The following WNT8A variants were observed in gnomAD, a reference collection of about 807,000 sequenced individuals.
The protein encoded by WNT8A is Wnt family member 8A, also known as protein Wnt-8a.
Under a neutral mutation model 20.5 loss-of-function variants are expected in WNT8A, and 14 were observed. The ratio of observed to expected loss-of-function variants is 0.68; its 90% CI spans 0.45 to 1.07. The LOEUF is 1.07. Ranked by LOEUF, WNT8A falls within the 50% of genes least tolerant of loss-of-function variation. WNT8A has a pLI of 0.00. For synonymous variants in WNT8A, 167 were observed against 169.2 expected (o/e 0.99, Z 0.10); for missense variants, 397 against 462.9 (o/e 0.86, Z 1.31).
rs1750587944 is a variant in WNT8A, at chr5:138,084,273, C to T, written c.146C>T (p.Thr49Ile). The change falls in exon 1 of 5, where the codon ACA becomes ATA. Residue 49 changes from threonine to isoleucine, a missense_variant. Physicochemically the swap from Thr to Ile is moderately conservative, Grantham distance 89. Transcript: ENST00000506684. ...AGGTCAGTGAACAATTTCCTGATAA[C>T]AGGTCCCAAGGTAGGATGATCTCCA... ...FGRSVNNFLI[T>I]GPKAYLTYTT... 1 of 1,614,160 alleles carries T rather than the reference C, an allele frequency of 6.2e-7. No individual in the cohort carries two copies. Among genetic ancestry groups the T allele is most frequent in the Admixed American group, 1.7e-5 (1 of 60,016 alleles).
rs752483336 is a variant in WNT8A at position 138,087,944 on chromosome 5, T to C, written c.421+13T>C. 15 of 1,612,952 alleles carry C rather than the reference T, an allele frequency of 9.3e-6. No individual in the cohort carries two copies. Among genetic ancestry groups the C allele is most frequent in the Non-Finnish European group, 1.3e-5 (15 of 1,179,350 alleles). On this transcript the variant is annotated intron_variant, in intron 3 of 4. Transcript: ENST00000506684. The stretch of plus-strand genomic sequence containing the variant: ...AATGGAAAAACAGGTAAGTTGAGCT[T>C]TCTAATGGGGGTGGGAAGAGGTGAG...
chr5:138,086,580 G>A (rs1750669565), intron 2 of WNT8A, among the ~76,000 whole-genome samples: 1 of 152,078 alleles, frequency 6.6e-6, no homozygotes, highest in Non-Finnish European at 1.5e-5. Flanking sequence ...AAGGAAGGAG[G>A]CTGAAAAAAT....
upstream of WNT8A, among the ~76,000 whole-genome samples, chr5:138,081,697 G>C (rs926503961): frequency 6.6e-6 from 1 of 151,992 alleles, no homozygotes; most frequent in African/African-American, 2.4e-5. Flanking sequence ...GAGAGCTTGC[G>C]GGGGGCTGGG....
intron 2 of WNT8A, among the ~76,000 whole-genome samples, chr5:138,086,657 C>G (rs1286958425): frequency 6.6e-6 from 1 of 151,918 alleles, no homozygotes; most frequent in Non-Finnish European, 1.5e-5. Context: ...AATCCCAGCA[C>G]TTTGGGAGGC....
intron 2 of WNT8A, among the ~76,000 whole-genome samples, chr5:138,086,902 C>T (rs1378893059): frequency 6.8e-5 from 10 of 146,124 alleles, no homozygotes; most frequent in Non-Finnish European, 1.0e-4. Context: ...AAAAAATAGC[C>T]GGGTGTGGTA....
intron 2 of WNT8A, among the ~76,000 whole-genome samples, chr5:138,085,845 C>T (rs1250821579): frequency 1.6e-5 from 2 of 128,408 alleles, no homozygotes; most frequent in Admixed American, 1.6e-4. Flanking sequence ...CAGAGCAAGA[C>T]CTTGTCTCAA....
upstream of WNT8A, among the ~76,000 whole-genome samples, chr5:138,079,043 C>T (rs1244251390): frequency 3.3e-5 from 5 of 152,038 alleles, no homozygotes; most frequent in African/African-American, 1.2e-4. Flanking sequence ...TGTTACTAGA[C>T]AGTAAGCTCC....
downstream of WNT8A, chr5:138,092,071 C>T (rs1310615508): frequency 6.6e-6 from 1 of 152,058 alleles, no homozygotes. Context: ...GAGCTGGGGA[C>T]TCTTCTGTTG....
In WNT8A at chr5:138,091,120, G is replaced by T; in HGVS notation, c.*47G>T. 1.9e-6 allele frequency: 3 copies of T among 1,578,734 alleles called. No homozygotes were observed. The highest frequency in any genetic ancestry group is 2.6e-6 in the Non-Finnish European group (3 of 1,164,988). On this transcript the variant is annotated 3_prime_UTR_variant, in exon 5 of 5. Coordinates refer to ENST00000506684, the MANE Select transcript of WNT8A (RefSeq NM_001300939.2). ...TTGATTAATTGCATCAGTGGAAGGG[G>T]ACATAGCTTCTCTCTTAGAGAGAAC...
chr5:138,080,328 A>C (rs995814147), upstream of WNT8A, among the ~76,000 whole-genome samples: 1 of 151,266 alleles, frequency 6.6e-6, no homozygotes, highest in African/African-American at 2.4e-5. Context: ...TCAAAAAAAA[A>C]AAAAACAAAA....
chr5:138,083,156 C>G (rs1000515504), upstream of WNT8A, among the ~76,000 whole-genome samples: 1 of 151,940 alleles, frequency 6.6e-6, no homozygotes, highest in Non-Finnish European at 1.5e-5. Context: ...TGGCTGGCAC[C>G]TGTAGTCTCA....
At chr5:138,091,601 A>G, downstream of WNT8A, 3 of 877,132 alleles carry the variant, frequency 3.4e-6, no homozygotes, top group Non-Finnish European at 4.7e-6. Context: ...TTATCCCCCA[A>G]GTATGCACTT....
At chr5:138,078,497 G>A in the WNT8A span, among the ~76,000 whole-genome samples, 5 of 152,192 alleles carry the variant, frequency 3.3e-5, no homozygotes, top group Non-Finnish European at 7.3e-5. Context: ...GCTGAGGATC[G>A]AAGGATTTGG....
At chr5:138,081,267 A>G (rs1228170471), upstream of WNT8A, among the ~76,000 whole-genome samples, 3 of 151,906 alleles carry the variant, frequency 2.0e-5, no homozygotes, top group Non-Finnish European at 2.9e-5. Flanking sequence ...TCTTTATAGA[A>G]TCTGAGCAGG....
chr5:138,087,033 A>ATTTTTG (rs1750688131), intron 2 of WNT8A, among the ~76,000 whole-genome samples: 1 of 151,330 alleles, frequency 6.6e-6, no homozygotes, highest in Non-Finnish European at 1.5e-5. Flanking sequence ...ACAACAGAGT[A>ATTTTTG]AGAGCCTATC....
chr5:138,080,045 G>A (rs1277595382), upstream of WNT8A, among the ~76,000 whole-genome samples: 1 of 152,050 alleles, frequency 6.6e-6, no homozygotes, highest in African/African-American at 2.4e-5. Flanking sequence ...AATTCTGGCC[G>A]GGCACAGTGG....
At chr5:138,086,909 G>A (rs1280111774) in intron 2 of WNT8A, among the ~76,000 whole-genome samples, 1 of 151,058 alleles carries the variant, frequency 6.6e-6, no homozygotes, top group Non-Finnish European at 1.5e-5. Context: ...AGCCGGGTGT[G>A]GTAGCATGCA....
At chr5:138,088,898 C>T (rs763331781) in intron 3 of WNT8A, 29 bp from the exon 4 acceptor site, 176 of 1,610,406 alleles carry the variant, frequency 1.1e-4, no homozygotes, top group South Asian at 2.7e-4. Flanking sequence ...TGGAGCTACA[C>T]GGAGAACTTA....
At chr5:138,091,598 C>A, downstream of WNT8A, 1 of 892,786 alleles carries the variant, frequency 1.1e-6, no homozygotes, top group Non-Finnish European at 1.5e-6. Flanking sequence ...TTTTTATCCC[C>A]CAAGTATGCA....
Sources: allele counts gnomAD v4.1 joint callset (sites outside exome capture counted in the v4.1 genomes callset), GRCh38; gene constraint gnomAD v4.1.1; transcripts MANE v1.5; gene names NCBI Gene and HGNC (gene_info 2026-07-23, HGNC 2026-07-21).